WDR25: variants seen among roughly 807,000 people sequenced by gnomAD.
WDR25 encodes WD repeat-containing protein 25.
In WDR25, 35 loss-of-function variants were observed where a neutral mutation model predicts 47.7. The observed-to-expected ratio is 0.73, with a 90% CI of 0.56 to 0.97. The LOEUF (loss-of-function observed/expected upper bound fraction) is 0.97, where lower values mean the gene tolerates loss of function less well. Among genes scored for constraint, WDR25 ranks in the 50% least tolerant of loss-of-function variants. WDR25 has a pLI of 0.00. For synonymous variants in WDR25, 248 were observed against 278.9 expected, an observed-to-expected ratio of 0.89 and a Z score of 1.10; for missense variants, 634 against 704.7, an observed-to-expected ratio of 0.90 and a Z score of 1.14.
chr14:100,438,367 C>T (rs897081365), intron 2 of WDR25, among the ~76,000 whole-genome samples: 1 of 152,178 alleles, frequency 6.6e-6, no homozygotes, highest in Non-Finnish European at 1.5e-5. Flanking sequence ...ATAATATTGT[C>T]GCTTAATAAG....
chr14:100,442,083 C>T (rs1200103256), intron 2 of WDR25, among the ~76,000 whole-genome samples: 1 of 152,200 alleles, frequency 6.6e-6, no homozygotes, highest in East Asian at 1.9e-4. Flanking sequence ...TGGAGAGGGC[C>T]AGCTTTGACT....
At chr14:100,481,990 C>T (rs149817082) in intron 3 of WDR25, among the ~76,000 whole-genome samples, 1 of 151,480 alleles carries the variant, frequency 6.6e-6, no homozygotes, top group African/African-American at 2.4e-5. Context: ...CAATACATGG[C>T]TTTTTAGATT....
chr14:100,478,437 A>C (rs1171847179), intron 3 of WDR25, among the ~76,000 whole-genome samples: 1 of 152,234 alleles, frequency 6.6e-6, no homozygotes, highest in Non-Finnish European at 1.5e-5. Flanking sequence ...ATTGTGCCAG[A>C]TAATGATGGC....
chr14:100,455,923 G>A (rs991081385), intron 2 of WDR25, among the ~76,000 whole-genome samples: 1 of 152,200 alleles, frequency 6.6e-6, no homozygotes, highest in Admixed American at 6.5e-5. Flanking sequence ...GGCTGGGTGT[G>A]GGGAAGATTT....
chr14:100,441,364 C>T (rs1898662903), intron 2 of WDR25, among the ~76,000 whole-genome samples: 1 of 152,124 alleles, frequency 6.6e-6, no homozygotes, highest in Non-Finnish European at 1.5e-5. Context: ...CTGGGCCACC[C>T]TCACTGCCTA....
At chr14:100,477,433 A>G (rs1900053254) in intron 3 of WDR25, among the ~76,000 whole-genome samples, 1 of 152,252 alleles carries the variant, frequency 6.6e-6, no homozygotes, top group South Asian at 2.1e-4. Flanking sequence ...TTTAAAACTC[A>G]GTTTCCTATA....
At chr14:100,443,779 G>A (rs1322463702) in intron 2 of WDR25, among the ~76,000 whole-genome samples, 1 of 152,220 alleles carries the variant, frequency 6.6e-6, no homozygotes, top group African/African-American at 2.4e-5. Context: ...GCTCCGGGCT[G>A]ATGTGAAATG....
chr14:100,467,987 T>A (rs1243727938), intron 2 of WDR25, 34 bp from the exon 3 acceptor site: 1 of 1,611,086 alleles, frequency 6.2e-7, no homozygotes, highest in South Asian at 1.1e-5. Context: ...AGGCCCTTGT[T>A]GTGACACCTG....
chr14:100,409,001 G>A (rs1897628731), intron 2 of WDR25, among the ~76,000 whole-genome samples: 1 of 152,218 alleles, frequency 6.6e-6, no homozygotes, highest in South Asian at 2.1e-4. Context: ...TATTTGAGGT[G>A]CTTGTCGAGA....
chr14:100,449,359 T>C lies in WDR25; in HGVS notation c.823-18662T>C, dbSNP rs79849811. Among the ~76,000 whole-genome samples the C allele has an allele frequency of 0.11, 17,181 of 152,214 alleles. 1,261 individuals are homozygous for C. Among genetic ancestry groups the C allele is most frequent in the Middle Eastern group, 0.17 (49 of 292 alleles). The stretch of plus-strand genomic sequence containing the variant: ...ACAGGGCTGCCCCGGGAGGCCTCCT[T>C]TGGGAGCAGAGACAGCCTGGCACTG... On this transcript the variant is annotated intron_variant, in intron 2 of 6. Coordinates refer to ENST00000402312, the MANE Select transcript of WDR25 (RefSeq NM_001161476.3). This position sits in a 1 kb window ranked among gnomAD's most constrained non-coding sequence, Gnocchi z 4.2.
rs748708220 is a variant in WDR25 at position 100,430,639 on chromosome 14, G to C, written c.823-37382G>C. 6.6e-6 allele frequency among the ~76,000 whole-genome samples: 1 copy of C among 152,174 alleles called. No homozygotes were observed. The highest frequency in any genetic ancestry group is 2.4e-5 in the African/African-American group (1 of 41,436). Reference sequence around the variant, plus strand: ...ACTGTGGTCCCTGTTTGCAGATGAGGACACTGAGGCACAGTGGGAACCAGC... The same window carrying C: ...ACTGTGGTCCCTGTTTGCAGATGAGCACACTGAGGCACAGTGGGAACCAGC... On this transcript the variant is annotated intron_variant, in intron 2 of 6. Coordinates refer to ENST00000402312, the MANE Select transcript of WDR25 (RefSeq NM_001161476.3). This position sits in a 1 kb window ranked among gnomAD's most constrained non-coding sequence, Gnocchi z 4.7.
chr14:100,505,401 GA>G (rs1901077320), intron 4 of WDR25, among the ~76,000 whole-genome samples: 1 of 152,164 alleles, frequency 6.6e-6, no homozygotes, highest in Non-Finnish European at 1.5e-5. Flanking sequence ...TTTGCCACAT[GA>G]GGTTCTCTTT....
At chr14:100,457,235 G>A (rs1325939609) in intron 2 of WDR25, among the ~76,000 whole-genome samples, 4 of 152,154 alleles carry the variant, frequency 2.6e-5, no homozygotes, top group African/African-American at 9.7e-5. Flanking sequence ...GATTACAGGC[G>A]TGAGCCACCG....
chr14:100,485,667 A>G (rs2140323145), intron 4 of WDR25, among the ~76,000 whole-genome samples: 1 of 152,354 alleles, frequency 6.6e-6, no homozygotes, highest in South Asian at 2.1e-4. Flanking sequence ...AGACAGGTGC[A>G]GCGTCCAAGC....
At chr14:100,380,424 A>G (rs1896852823) in intron 1 of WDR25, among the ~76,000 whole-genome samples, 2 of 152,040 alleles carry the variant, frequency 1.3e-5, no homozygotes, top group African/African-American at 2.4e-5. Context: ...TCAATTTCAA[A>G]AATTTTATCT....
intron 2 of WDR25, among the ~76,000 whole-genome samples, chr14:100,448,684 T>C (rs1343652651): frequency 1.3e-5 from 2 of 151,960 alleles, no homozygotes; most frequent in African/African-American, 4.8e-5. Flanking sequence ...CTTGTGGTGG[T>C]GATGGGGTCA....
At chr14:100,507,651 GTTT>G (rs763908066) in intron 4 of WDR25, among the ~76,000 whole-genome samples, 1 of 130,772 alleles carries the variant, frequency 7.6e-6, no homozygotes, top group Non-Finnish European at 1.7e-5. Context: ...AGGTATTTGT[GTTT>G]TTTTTTTTTT....
chr14:100,427,027 T>C (rs1898188367), intron 2 of WDR25, among the ~76,000 whole-genome samples: 1 of 152,088 alleles, frequency 6.6e-6, no homozygotes. Context: ...CCCCTTGGTC[T>C]CCAGATAAAA....
In WDR25 at chr14:100,443,427, C is replaced by A. The variant is rs1246751393; in HGVS notation, c.823-24594C>A. Among the ~76,000 whole-genome samples the A allele has an allele frequency of 7.8e-5, 9 of 115,636 alleles. No individual in the cohort carries two copies. The Admixed American group carries it at 1.1e-3, about 14-fold the overall frequency. The allele number at this position is 115,636 out of a possible 152,430, so 75.9% of individuals were successfully genotyped here. A position where few individuals can be genotyped will look rare whatever the true frequency, so the allele number is the denominator to read the frequency against. On this transcript the variant is annotated intron_variant, in intron 2 of 6. Transcript: ENST00000402312. The stretch of plus-strand genomic sequence containing the variant: ...GACTGAATTCTTCCTAACACCGTTT[C>A]TGTTTATGGCAGATATAGGGTGGGG...
Sources: allele counts gnomAD v4.1 joint callset (sites outside exome capture counted in the v4.1 genomes callset), GRCh38; gene constraint gnomAD v4.1.1; non-coding constraint Gnocchi (gnomAD v3.1); transcripts MANE v1.5; gene names NCBI Gene and HGNC (gene_info 2026-07-23, HGNC 2026-07-21).